Variants in SOCS1 observed in about 807,000 individuals in gnomAD.
SOCS1 encodes the protein JAK binding protein.
In SOCS1, 3 loss-of-function variants were observed where a neutral mutation model predicts 9.7. The observed-to-expected ratio is 0.31, with a 90% CI of 0.14 to 0.80. The LOEUF (loss-of-function observed/expected upper bound fraction) is 0.80. Ranked by LOEUF, SOCS1 falls within the 30% of genes least tolerant of loss-of-function variation. The probability of loss-of-function intolerance (pLI) is 0.61; values close to 1 mark genes in which losing one functional copy is unlikely to be tolerated. For missense variants in SOCS1, 368 were observed against 324.7 expected, an observed-to-expected ratio of 1.13 and a Z score of -1.02; for synonymous variants, 194 against 150.2, an observed-to-expected ratio of 1.29 and a Z score of -2.13.
chr16:11,254,572 G>A lies in SOCS1; in HGVS notation c.*271C>T, dbSNP rs1040450017. 1.6e-5 allele frequency: 6 copies of A among 373,098 alleles called. No individual in the cohort carries two copies. The highest frequency in any genetic ancestry group is 2.8e-5 in the Non-Finnish European group (6 of 211,584). The allele number at this position is 373,098 out of a possible 1,614,324, so 23.1% of individuals were successfully genotyped here. A position where few individuals can be genotyped will look rare whatever the true frequency, so the allele number is the denominator to read the frequency against. ...TATATGTAAACATGAAGAGGTAGGAGGTGCGAGTTCAGGTCCTGGCTCCAG... is the reference window on the plus strand; with the variant it reads ...TATATGTAAACATGAAGAGGTAGGAAGTGCGAGTTCAGGTCCTGGCTCCAG... On this transcript the variant is annotated 3_prime_UTR_variant, in exon 2 of 2. Transcript: ENST00000332029.
chr16:11,254,626 G>A lies in SOCS1; in HGVS notation c.*217C>T, dbSNP rs1028113719. On this transcript the variant is annotated 3_prime_UTR_variant, in exon 2 of 2. Coordinates refer to ENST00000332029, the MANE Select transcript of SOCS1 (RefSeq NM_003745.2). ...CAGTTAAGCTGCTACAACAACCAGG[G>A]GGACCCAGAGGGAGCACCAGGAGGG... The A allele has an allele frequency of 9.9e-5, 51 of 517,226 alleles. No individual in the cohort carries two copies. The highest frequency in any genetic ancestry group is 9.2e-5 in the Non-Finnish European group (30 of 327,682). The allele number at this position is 517,226 out of a possible 1,614,324, so 32.0% of individuals were successfully genotyped here.
Position 11,255,035 on chromosome 16 carries a change from G to A in SOCS1, c.444C>T (p.Phe148=), listed in dbSNP as rs768393197. The change falls in exon 2 of 2, where the codon TTC becomes TTT. Residue 148 remains phenylalanine, a synonymous_variant. Coordinates refer to ENST00000332029, the MANE Select transcript of SOCS1 (RefSeq NM_003745.2). ...DGSRESFDCL[F]ELLEHYVAAP... ...CCGCCACGTAGTGCTCCAGCAGCTC[G>A]AAGAGGCAGTCGAAGCTCTCGCGGC... The A allele has an allele frequency of 3.1e-6, 5 of 1,605,734 alleles. No homozygotes were observed. The highest frequency in any genetic ancestry group is 2.7e-5 in the African/African-American group (2 of 73,698).
rs552720624 is a variant in SOCS1 at position 11,254,748 on chromosome 16, C to G, written c.*95G>C. ...CCTACACCCATCCGCTCCCTCCAAC[C>G]CAGGCCGGGGAGGGTACCCACATGG... On this transcript the variant is annotated 3_prime_UTR_variant, in exon 2 of 2. Coordinates refer to ENST00000332029, the MANE Select transcript of SOCS1 (RefSeq NM_003745.2). 165 of 1,374,014 alleles carry G rather than the reference C, an allele frequency of 1.2e-4. 1 individual carries two copies. In the East Asian group the frequency reaches 4.8e-3, roughly 40 times the overall value. 85.1% of individuals were successfully genotyped at this position (1,374,014 alleles called of 1,614,324 possible).
chr16:11,255,525 T>A lies in SOCS1; in HGVS notation c.-47A>T. On this transcript the variant is annotated 5_prime_UTR_variant, in exon 2 of 2. Coordinates refer to ENST00000332029, the MANE Select transcript of SOCS1 (RefSeq NM_003745.2). ...AGGGGTGGGCCATAGCGTCCGGGGG[T>A]GCGCTGCGGGAGAGACAAAGAGGTG... is the stretch of plus-strand genomic sequence containing the variant. 1 of 1,159,684 alleles carries A rather than the reference T, an allele frequency of 8.6e-7. No homozygotes were observed. Among genetic ancestry groups the A allele is most frequent in the Non-Finnish European group, 1.1e-6 (1 of 919,040 alleles). The allele number at this position is 1,159,684 out of a possible 1,614,324, so 71.8% of individuals were successfully genotyped here.
In SOCS1 at chr16:11,255,442, C is replaced by A. The variant is rs200748141; in HGVS notation, c.37G>T (p.Val13Phe). 1 of 1,307,580 alleles carries A rather than the reference C, an allele frequency of 7.6e-7. No individual in the cohort carries two copies. Among genetic ancestry groups the A allele is most frequent in the Admixed American group, 4.1e-5 (1 of 24,274 alleles). The allele number at this position is 1,307,580 out of a possible 1,614,324, so 81.0% of individuals were successfully genotyped here. A position where few individuals can be genotyped will look rare whatever the true frequency, so the allele number is the denominator to read the frequency against. Residue 13 changes from valine (V) to phenylalanine (F), a missense_variant, in exon 2 of 2, where the codon GTC (valine) becomes TTC (phenylalanine). By Grantham distance (50) the Val-to-Phe change is conservative (BLOSUM62 -1). Transcript: ENST00000332029. The stretch of plus-strand genomic sequence containing the variant: ...CGTCGGGGCTCTGCTGCTGTGGAGA[C>A]TGCATTGTCGGCTGCCACCTGGTTG... ...AHNQVAADNAVSTAAEPRRRP... is the reference protein window; with the variant it reads ...AHNQVAADNAFSTAAEPRRRP...
chr16:11,255,519 C>G lies in SOCS1; in HGVS notation c.-41G>C. ...AGCCGGAGGGGTGGGCCATAGCGTC[C>G]GGGGGTGCGCTGCGGGAGAGACAAA... On this transcript the variant is annotated 5_prime_UTR_variant, in exon 2 of 2. Coordinates refer to ENST00000332029, the MANE Select transcript of SOCS1 (RefSeq NM_003745.2). 1 of 1,182,904 alleles carries G rather than the reference C, an allele frequency of 8.5e-7. No individual in the cohort carries two copies. The highest frequency in any genetic ancestry group is 1.1e-6 in the Non-Finnish European group (1 of 939,020). 73.3% of individuals were successfully genotyped at this position (1,182,904 alleles called of 1,614,324 possible). A position where few individuals can be genotyped will look rare whatever the true frequency, so the allele number is the denominator to read the frequency against.
intron 1 of SOCS1, chr16:11,255,732 T>G: frequency 7.2e-5 from 21 of 290,056 alleles, no homozygotes; most frequent in Non-Finnish European, 8.8e-5. Context: ...TCCCGGCGGG[T>G]GGGGGCTCGG....
rs575199723 is a variant in SOCS1 at position 11,254,789 on chromosome 16, A to T, written c.*54T>A. ...ACCCACATGGTTCCAGGCAAGTAAT[A>T]ACAAAATAACACGGCATCCCAGTTA... On this transcript the variant is annotated 3_prime_UTR_variant, in exon 2 of 2. Transcript: ENST00000332029. The T allele has an allele frequency of 2.1e-6, 3 of 1,429,336 alleles. No homozygotes were observed. The African/African-American group carries it at 4.5e-5, about 21-fold the overall frequency. 88.5% of individuals were successfully genotyped at this position (1,429,336 alleles called of 1,614,324 possible).
chr16:11,254,538 G>C lies in SOCS1; in HGVS notation c.*305C>G, dbSNP rs1720825010. The stretch of plus-strand genomic sequence containing the variant: ...TCCCCCAACCCCTGGTTTGTGCAAA[G>C]ATACTGGGTATATGTAAACATGAAG... On this transcript the variant is annotated 3_prime_UTR_variant, in exon 2 of 2. Transcript: ENST00000332029. 3.2e-6 allele frequency: 1 copy of C among 315,448 alleles called. No homozygotes were observed. Among genetic ancestry groups the C allele is most frequent in the Non-Finnish European group, 5.8e-6 (1 of 172,954 alleles). The allele number at this position is 315,448 out of a possible 1,614,324, so 19.5% of individuals were successfully genotyped here.
chr16:11,255,719 T>A (rs2069592560), intron 1 of SOCS1, 191 bp from the exon 2 acceptor site: 1 of 319,198 alleles, frequency 3.1e-6, no homozygotes, highest in Non-Finnish European at 5.7e-6. Flanking sequence ...TCCGCGGAGC[T>A]CTTCCCGGCG....
rs1248355267 is a variant in SOCS1 at position 11,255,366 on chromosome 16, C to G, written c.113G>C (p.Arg38Pro). 1.5e-6 allele frequency: 2 copies of G among 1,338,850 alleles called. No homozygotes were observed. Among genetic ancestry groups the G allele is most frequent in the African/African-American group, 3.1e-5 (2 of 64,764 alleles). 82.9% of individuals were successfully genotyped at this position (1,338,850 alleles called of 1,614,324 possible). Reference sequence around the variant, plus strand: ...CGGGACCGCGGGGCACGGCCGCGGGCGCGCGGGGGCCGCGGGCGAGGAGGA... The same window carrying G: ...CGGGACCGCGGGGCACGGCCGCGGGGGCGCGGGGGCCGCGGGCGAGGAGGA... Reference protein sequence around the residue: ...SSSSSPAAPARPRPCPAVPAP... With the variant: ...SSSSSPAAPAPPRPCPAVPAP... Residue 38 changes from arginine to proline, a missense_variant, in exon 2 of 2, where the codon CGC becomes CCC. By Grantham distance (103) the Arg-to-Pro change is moderately radical. Transcript: ENST00000332029.
Position 11,254,861 on chromosome 16 carries a change from G to C in SOCS1, c.618C>G (p.Ser206=), listed in dbSNP as rs748006092. 1 of 1,486,818 alleles carries C rather than the reference G, an allele frequency of 6.7e-7. No homozygotes were observed. The highest frequency in any genetic ancestry group is 8.9e-7 in the Non-Finnish European group (1 of 1,127,780). 92.1% of individuals were successfully genotyped at this position (1,486,818 alleles called of 1,614,324 possible). Residue 206 remains serine (S), a synonymous_variant, in exon 2 of 2, where the codon TCC becomes TCG. Coordinates refer to ENST00000332029, the MANE Select transcript of SOCS1 (RefSeq NM_003745.2). Reference sequence around the variant, plus strand: ...CTGCCGGTCAAATCTGGAAGGGGAAGGAGCTCAGGTAGTCGCGGAGGACGG... The same window carrying C: ...CTGCCGGTCAAATCTGGAAGGGGAACGAGCTCAGGTAGTCGCGGAGGACGG... ...LNPVLRDYLS[S]FPFQI
chr16:11,255,050 G>A lies in SOCS1; in HGVS notation c.429C>T (p.Ser143=). Residue 143 remains serine (S), a synonymous_variant, in exon 2 of 2, where the codon AGC becomes AGT. Transcript: ENST00000332029. ...CCAGCAGCTCGAAGAGGCAGTCGAA[G>A]CTCTCGCGGCTGCCATCCAGGTGAA... ...GRFHLDGSRE[S]FDCLFELLEH... 2 of 1,607,862 alleles carry A rather than the reference G, an allele frequency of 1.2e-6. No homozygotes were observed. The highest frequency in any genetic ancestry group is 1.1e-5 in the South Asian group (1 of 90,706).
intron 1 of SOCS1, 59 bp from the exon 2 acceptor site, chr16:11,255,587 G>A (rs2069590210): frequency 1.6e-6 from 1 of 633,808 alleles, no homozygotes; most frequent in Non-Finnish European, 2.3e-6. Flanking sequence ...GTGTGCGCCG[G>A]CCGGACAACT....
rs2069579242 is a variant in SOCS1 at position 11,255,025 on chromosome 16, C to G, written c.454G>C (p.Glu152Gln). 1 of 1,602,276 alleles carries G rather than the reference C, an allele frequency of 6.2e-7. No homozygotes were observed. The highest frequency in any genetic ancestry group is 8.5e-7 in the Non-Finnish European group (1 of 1,175,778). The part of the protein sequence containing the change: ...ESFDCLFELL[E>Q]HYVAAPRRML... ...CGGCGCGGCGCCGCCACGTAGTGCT[C>G]CAGCAGCTCGAAGAGGCAGTCGAAG... Residue 152 changes from glutamate to glutamine, a missense_variant, in exon 2 of 2, where the codon GAG (glutamate) becomes CAG (glutamine). Transcript: ENST00000332029.
rs1346231391 is a variant in SOCS1, at chr16:11,254,452, A to G, written c.*391T>C. ...CTTTCATAATAAAGTTTATTACCTA[A>G]ACTGACTTTAAAAAATATAAAATAG... On this transcript the variant is annotated 3_prime_UTR_variant, in exon 2 of 2. Coordinates refer to ENST00000332029, the MANE Select transcript of SOCS1 (RefSeq NM_003745.2). 1 of 245,132 alleles carries G rather than the reference A, an allele frequency of 4.1e-6. No individual in the cohort carries two copies. Among genetic ancestry groups the G allele is most frequent in the Non-Finnish European group, 7.9e-6 (1 of 126,392 alleles). The allele number at this position is 245,132 out of a possible 1,614,324, so 15.2% of individuals were successfully genotyped here. A position where few individuals can be genotyped will look rare whatever the true frequency, so the allele number is the denominator to read the frequency against.
rs998577469 is a variant in SOCS1, at chr16:11,255,376, C to T, written c.103G>A (p.Ala35Thr). The T allele has an allele frequency of 2.2e-6, 3 of 1,337,718 alleles. No individual in the cohort carries two copies. The highest frequency in any genetic ancestry group is 1.5e-5 in the African/African-American group (1 of 64,730). 82.9% of individuals were successfully genotyped at this position (1,337,718 alleles called of 1,614,324 possible). Residue 35 changes from alanine to threonine, a missense_variant, in exon 2 of 2, where the codon GCC becomes ACC. By Grantham distance (58) the Ala-to-Thr change is moderately conservative. Transcript: ENST00000332029. ...PSSSSSSSPA[A>T]PARPRPCPAV... The stretch of plus-strand genomic sequence containing the variant: ...GGGCACGGCCGCGGGCGCGCGGGGG[C>T]CGCGGGCGAGGAGGAGGAAGAGGAG...
rs1040450017 is a variant in SOCS1 at position 11,254,572 on chromosome 16, G to C, written c.*271C>G. The C allele has an allele frequency of 2.7e-6, 1 of 373,216 alleles. No individual in the cohort carries two copies. The highest frequency in any genetic ancestry group is 2.1e-5 in the African/African-American group (1 of 48,192). The allele number at this position is 373,216 out of a possible 1,614,324, so 23.1% of individuals were successfully genotyped here. A position where few individuals can be genotyped will look rare whatever the true frequency, so the allele number is the denominator to read the frequency against. ...TATATGTAAACATGAAGAGGTAGGA[G>C]GTGCGAGTTCAGGTCCTGGCTCCAG... On this transcript the variant is annotated 3_prime_UTR_variant, in exon 2 of 2. Coordinates refer to ENST00000332029, the MANE Select transcript of SOCS1 (RefSeq NM_003745.2).
chr16:11,255,152 C>T lies in SOCS1; in HGVS notation c.327G>A (p.Arg109=). 6 of 1,602,914 alleles carry T rather than the reference C, an allele frequency of 3.7e-6. No homozygotes were observed. The highest frequency in any genetic ancestry group is 5.1e-6 in the Non-Finnish European group (6 of 1,177,736). ...GTFLVRDSRQ[R]NCFFALSVKM... ...TCACGCTAAGGGCGAAAAAGCAGTT[C>T]CGCTGGCGGCTGTCGCGCACCAGGA... is the stretch of plus-strand genomic sequence containing the variant. The change falls in exon 2 of 2, where the codon CGG becomes CGA. Residue 109 remains arginine, a synonymous_variant. Transcript: ENST00000332029.
Sources: gnomAD v4.1 joint callset for allele counts on GRCh38, gnomAD v4.1.1 for gene constraint, MANE v1.5 for transcripts, NCBI Gene and HGNC (gene_info 2026-07-23, HGNC 2026-07-21) for gene names.